Variants in DIP2C observed in about 807,000 individuals in gnomAD.
DIP2C encodes the protein disco-interacting protein 2 homolog C.
Under a neutral mutation model 192.4 loss-of-function variants are expected in DIP2C, and 33 were observed. The observed-to-expected ratio is 0.17, with a 90% CI of 0.13 to 0.23. DIP2C has a LOEUF of 0.23. DIP2C is among the 10% of genes least tolerant of loss of function. DIP2C has a pLI of 1.00. For missense variants in DIP2C, 1,537 were observed against 2,110.1 expected, an observed-to-expected ratio of 0.73 and a Z score of 5.32; for synonymous variants, 979 against 864.1, an observed-to-expected ratio of 1.13 and a Z score of -2.33.
intron 1 of DIP2C, among the ~76,000 whole-genome samples, chr10:491,353 T>C (rs142625260): frequency 6.6e-6 from 1 of 152,316 alleles, no homozygotes; most frequent in East Asian, 1.9e-4. Flanking sequence ...ATCGTTTCCA[T>C]GTTGGGAATT....
intron 1 of DIP2C, among the ~76,000 whole-genome samples, chr10:514,189 C>G (rs1013105042): frequency 6.6e-6 from 1 of 151,006 alleles, no homozygotes. Context: ...CCTGCTAATA[C>G]TGAAGAACCA....
At chr10:364,666 C>T in intron 19 of DIP2C, 84 bp from the exon 20 acceptor site, 1 of 1,443,516 alleles carries the variant, frequency 6.9e-7, no homozygotes, top group South Asian at 1.3e-5. Context: ...AGCACGGCAC[C>T]TGCTTTGCTT....
chr10:387,705 C>T, intron 14 of DIP2C, 40 bp downstream of exon 14: 2 of 1,607,952 alleles, frequency 1.2e-6, no homozygotes, highest in Non-Finnish European at 1.7e-6. Flanking sequence ...GGGTGGGGGA[C>T]TCCTTTGTGG....
chr10:647,665 T>C (rs577599052), intron 1 of DIP2C, among the ~76,000 whole-genome samples: 52 of 141,190 alleles, frequency 3.7e-4, no homozygotes, highest in African/African-American at 9.8e-4. Flanking sequence ...CACGTCCACA[T>C]TGGATGGTGG....
intron 28 of DIP2C, among the ~76,000 whole-genome samples, chr10:343,408 TTCATTCA>T (rs1958258367): frequency 6.6e-6 from 1 of 152,166 alleles, no homozygotes; most frequent in African/African-American, 2.4e-5. Context: ...CTCCCCATCA[TTCATTCA>T]TCACTCCAGC....
chr10:466,721 C>T (rs1238351638), intron 3 of DIP2C, among the ~76,000 whole-genome samples: 1 of 151,760 alleles, frequency 6.6e-6, no homozygotes, highest in Non-Finnish European at 1.5e-5. Context: ...AAAAAGTGGG[C>T]AAAGGACATG....
At chr10:521,311 G>A (rs1239681714) in intron 1 of DIP2C, among the ~76,000 whole-genome samples, 1 of 152,154 alleles carries the variant, frequency 6.6e-6, no homozygotes, top group Non-Finnish European at 1.5e-5. Context: ...GGAATGTGAG[G>A]ATTACGAGCA....
At chr10:353,313 A>C (rs1958914465) in intron 24 of DIP2C, among the ~76,000 whole-genome samples, 1 of 152,250 alleles carries the variant, frequency 6.6e-6, no homozygotes, top group Admixed American at 6.5e-5. Context: ...AAGCCAAACT[A>C]AATTTATATT....
intron 20 of DIP2C, 25 bp downstream of exon 20, chr10:364,349 G>T (rs200737131): frequency 3.4e-5 from 55 of 1,597,956 alleles, no homozygotes; most frequent in Non-Finnish European, 4.5e-5. Context: ...GAAACCATAT[G>T]CTTGATTTGC....
chr10:653,445 T>A (rs1856082193), intron 1 of DIP2C, among the ~76,000 whole-genome samples: 1 of 152,042 alleles, frequency 6.6e-6, no homozygotes. Context: ...GAGACTCTTG[T>A]TTCAAAAATA....
chr10:585,391 G>A (rs868300033), intron 1 of DIP2C, among the ~76,000 whole-genome samples: 11 of 152,310 alleles, frequency 7.2e-5, no homozygotes, highest in African/African-American at 2.6e-4. Flanking sequence ...ACACAGCCCT[G>A]AGTATTCCAC....
chr10:404,333 C>G (rs537121114), intron 9 of DIP2C, among the ~76,000 whole-genome samples: 1 of 151,928 alleles, frequency 6.6e-6, no homozygotes, highest in Admixed American at 6.6e-5. Context: ...CTCAGCCTCC[C>G]GAATAGCTAG....
chr10:526,133 C>T (rs1012447654), intron 1 of DIP2C, among the ~76,000 whole-genome samples: 9 of 152,192 alleles, frequency 5.9e-5, no homozygotes, highest in African/African-American at 1.7e-4. Flanking sequence ...AAAGCGTCCA[C>T]CTGAAACAGG....
chr10:594,002 C>T lies in DIP2C; in HGVS notation c.85+95492G>A, dbSNP rs976866548. ...AACCACGGCGGAACTGGCCGTGGAACCAGTGCCAACCAATTCAGGGTGTGT... is the reference window on the plus strand; with the variant it reads ...AACCACGGCGGAACTGGCCGTGGAATCAGTGCCAACCAATTCAGGGTGTGT... On this transcript the variant is annotated intron_variant, in intron 1 of 36. Transcript: ENST00000280886. Among the ~76,000 whole-genome samples the T allele has an allele frequency of 2.0e-5, 3 of 152,212 alleles. No individual in the cohort carries two copies. In the East Asian group the frequency reaches 5.8e-4, roughly 29 times the overall value.
intron 1 of DIP2C, among the ~76,000 whole-genome samples, chr10:595,254 G>A (rs554325811): frequency 6.6e-6 from 1 of 152,270 alleles, no homozygotes; most frequent in African/African-American, 2.4e-5. Context: ...GTGACTCGTG[G>A]GCCATGACAG....
rs376730549 is a variant in DIP2C, at chr10:366,405, A to G, written c.2138T>C (p.Met713Thr). 57 of 1,614,226 alleles carry G rather than the reference A, an allele frequency of 3.5e-5. No homozygotes were observed. The highest frequency in any genetic ancestry group is 3.3e-4 in the Middle Eastern group (2 of 6,062). Reference sequence around the variant, plus strand: ...AACCCCGTCTGGCTTCACTGAACACATGATGGCTAAAAGCAAACAGGAAAG... The same window carrying G: ...AACCCCGTCTGGCTTCACTGAACACGTGATGGCTAAAAGCAAACAGGAAAG... ...DVGLVMPGAI[M>T]CSVKPDGVPQ... The change falls in exon 19 of 37, where the codon ATG (methionine) becomes ACG (threonine). Residue 713 changes from methionine to threonine, a missense_variant. Around this residue, in one of 4 missense-constraint regions of DIP2C, gnomAD observed 677 missense variants for 989.9 expected, o/e 0.68. Transcript: ENST00000280886.
chr10:655,691 A>G (rs1382594521), intron 1 of DIP2C, among the ~76,000 whole-genome samples: 1 of 152,164 alleles, frequency 6.6e-6, no homozygotes, highest in Non-Finnish European at 1.5e-5. Flanking sequence ...TGTTAGTTCA[A>G]CTGTATACTC....
At chr10:411,534 T>C (rs1182959030) in intron 8 of DIP2C, among the ~76,000 whole-genome samples, 1 of 152,194 alleles carries the variant, frequency 6.6e-6, no homozygotes, top group Non-Finnish European at 1.5e-5. Flanking sequence ...ATTTGGGGGT[T>C]GAGGGGAAAC....
Position 329,429 on chromosome 10 carries a change from T to C in DIP2C, c.3753+4A>G, listed in dbSNP as rs1372289456. 6.2e-7 allele frequency: 1 copy of C among 1,611,980 alleles called. No individual in the cohort carries two copies. The highest frequency in any genetic ancestry group is 1.7e-5 in the Admixed American group (1 of 59,818). ...GGCACTGAGCTGCCAAGGGAGCTGC[T>C]TACCTTGAGGGACTCTGTTTGCGAG... On this transcript the variant is annotated splice_donor_region_variant and intron_variant, in intron 30 of 36. Transcript: ENST00000280886.
Sources: allele counts gnomAD v4.1 joint callset (sites outside exome capture counted in the v4.1 genomes callset), GRCh38; gene constraint gnomAD v4.1.1; regional missense constraint gnomAD v4.1.1; transcripts MANE v1.5; gene names NCBI Gene and HGNC (gene_info 2026-07-23, HGNC 2026-07-21).